Variants in ATP2B2 observed in about 807,000 individuals in gnomAD.
ATP2B2 encodes the protein ATPase plasma membrane Ca2+ transporting 2.
Under a neutral mutation model 120.0 loss-of-function variants are expected in ATP2B2, and 15 were observed. That is an observed-to-expected ratio of 0.12 (90% confidence interval 0.08 to 0.19). The LOEUF (loss-of-function observed/expected upper bound fraction) is 0.19, where lower values mean the gene tolerates loss of function less well. ATP2B2 is among the 10% of genes least tolerant of loss of function. The pLI, the probability that ATP2B2 is intolerant of heterozygous loss-of-function variation, is 1.00. For missense variants in ATP2B2, 1,045 were observed against 1,719.8 expected, an observed-to-expected ratio of 0.61 and a Z score of 6.94; for synonymous variants, 694 against 700.3, an observed-to-expected ratio of 0.99 and a Z score of 0.14.
At chr3:10,391,398 T>C (rs530502197) in intron 5 of ATP2B2, among the ~76,000 whole-genome samples, 3 of 152,322 alleles carry the variant, frequency 2.0e-5, no homozygotes, top group East Asian at 3.9e-4. Flanking sequence ...AAGGCATTGG[T>C]TCTCTGGCTT....
At chr3:10,594,292 C>T (rs1447953485) in intron 2 of ATP2B2, among the ~76,000 whole-genome samples, 1 of 152,054 alleles carries the variant, frequency 6.6e-6, no homozygotes, top group African/African-American at 2.4e-5. Context: ...GCACTATTCA[C>T]AATAGCAAAG....
chr3:10,631,891 AGGG>A (rs2069875321), intron 1 of ATP2B2, among the ~76,000 whole-genome samples: 1 of 152,240 alleles, frequency 6.6e-6, no homozygotes, highest in South Asian at 2.1e-4. Context: ...AGGTTTCAGG[AGGG>A]CTATCTTTAC....
intron 2 of ATP2B2, among the ~76,000 whole-genome samples, chr3:10,449,120 T>C (rs568301737): frequency 6.6e-6 from 1 of 152,328 alleles, no homozygotes; most frequent in East Asian, 1.9e-4. Flanking sequence ...CCTGCCATTC[T>C]CTCTGCAGGT....
rs188961616 is a variant in ATP2B2 at position 10,345,322 on chromosome 3, C to T, written c.2703+62G>A. The stretch of plus-strand genomic sequence containing the variant: ...ACAACCTGGAGTACCCTAAGGCCCC[C>T]GAGCCTCTGTGGGGGGTCTCCGCCC... On this transcript the variant is annotated intron_variant, in intron 18 of 22. Transcript: ENST00000360273. 7.8e-5 allele frequency: 124 copies of T among 1,588,318 alleles called. 2 individuals are homozygous for T. In the African/African-American group the frequency reaches 1.2e-3, roughly 16 times the overall value.
intron 2 of ATP2B2, among the ~76,000 whole-genome samples, chr3:10,609,179 G>A (rs1004564210): frequency 3.2e-4 from 49 of 152,102 alleles, no homozygotes; most frequent in East Asian, 5.8e-4. Context: ...CTGCACCCAC[G>A]TCCCTCACTT....
In ATP2B2 at chr3:10,653,724, T is replaced by C. The variant is rs187351143; in HGVS notation, c.-459-33763A>G. Among the ~76,000 whole-genome samples, 3 of 152,314 alleles carry C rather than the reference T, an allele frequency of 2.0e-5. No individual in the cohort carries two copies. The East Asian group carries it at 5.8e-4, about 29-fold the overall frequency. ...TATCTCCATAAGGCATGTGCCATTA[T>C]TGCCCTCCCTTTTCAGAGGGGGAAA... On this transcript the variant is annotated intron_variant, in intron 1 of 21. Coordinates refer to the ATP2B2 transcript ENST00000646379.
At chr3:10,645,322 G>T (rs1345829150) in intron 1 of ATP2B2, among the ~76,000 whole-genome samples, 2 of 152,210 alleles carry the variant, frequency 1.3e-5, no homozygotes, top group African/African-American at 4.8e-5. Flanking sequence ...TGGGGCTGTT[G>T]ATGATATGTG....
chr3:10,395,073 G>A (rs1296118861), intron 5 of ATP2B2, among the ~76,000 whole-genome samples: 2 of 152,216 alleles, frequency 1.3e-5, no homozygotes, highest in African/African-American at 4.8e-5. Context: ...GCTGCAAATT[G>A]GGATAGGACC....
intron 1 of ATP2B2, among the ~76,000 whole-genome samples, chr3:10,451,953 G>A (rs891654492): frequency 6.6e-6 from 1 of 152,220 alleles, no homozygotes; most frequent in East Asian, 1.9e-4. Flanking sequence ...TCCATCCAAG[G>A]TAAATTCTAT....
chr3:10,499,360 A>AC (rs1002290367), intron 1 of ATP2B2, among the ~76,000 whole-genome samples: 1 of 152,148 alleles, frequency 6.6e-6, no homozygotes, highest in African/African-American at 2.4e-5. Context: ...TGCTCAGCTA[A>AC]CCCTTGGTTT....
chr3:10,692,450 G>A (rs534866214), intron 1 of ATP2B2, among the ~76,000 whole-genome samples: 75 of 152,320 alleles, frequency 4.9e-4, no homozygotes, highest in Middle Eastern at 3.4e-3. Flanking sequence ...AGATGGATGA[G>A]GGGACACATC....
At chr3:10,546,398 C>T (rs1310420984) in intron 2 of ATP2B2, among the ~76,000 whole-genome samples, 1 of 152,220 alleles carries the variant, frequency 6.6e-6, no homozygotes, top group African/African-American at 2.4e-5. Context: ...CGGACACCTC[C>T]TTCCCTTGGG....
At chr3:10,511,956 G>A (rs1199623436) in intron 3 of ATP2B2, among the ~76,000 whole-genome samples, 2 of 152,148 alleles carry the variant, frequency 1.3e-5, no homozygotes, top group Non-Finnish European at 2.9e-5. Flanking sequence ...GGGAGCGGGT[G>A]GGGATGATGA....
chr3:10,692,407 C>A (rs902702901), intron 1 of ATP2B2, among the ~76,000 whole-genome samples: 1 of 152,158 alleles, frequency 6.6e-6, no homozygotes, highest in Admixed American at 6.5e-5. Flanking sequence ...TTTTCTGCAG[C>A]AGGGTAATAA....
At chr3:10,344,301 G>A (rs1574963517) in intron 18 of ATP2B2, among the ~76,000 whole-genome samples, 1 of 152,094 alleles carries the variant, frequency 6.6e-6, no homozygotes, top group Admixed American at 6.5e-5. Context: ...TGCTGGGGCC[G>A]CAGGAGTGTT....
At chr3:10,587,890 T>C (rs972727181) in intron 2 of ATP2B2, among the ~76,000 whole-genome samples, 1 of 152,226 alleles carries the variant, frequency 6.6e-6, no homozygotes, top group Non-Finnish European at 1.5e-5. Flanking sequence ...TCACATTTTA[T>C]GTCTTCCTAA....
rs751546847 is a variant in ATP2B2, at chr3:10,345,435, G to A, written c.2652C>T (p.Thr884=). ...CCACAATCACGGCCACCACGTTGAC[G>A]GTGAGCTGGAACTGCAAGAATTTGG... is the stretch of plus-strand genomic sequence containing the variant. The part of the protein sequence containing the change: ...SISKFLQFQL[T]VNVVAVIVAF... Residue 884 remains threonine (T), a synonymous_variant, in exon 18 of 23, where the codon ACC becomes ACT. Coordinates refer to ENST00000360273, the MANE Select transcript of ATP2B2 (RefSeq NM_001001331.4). The A allele has an allele frequency of 3.1e-6, 5 of 1,614,142 alleles. No individual in the cohort carries two copies. Among genetic ancestry groups the A allele is most frequent in the Non-Finnish European group, 4.2e-6 (5 of 1,180,004 alleles).
At chr3:10,495,510 C>T (rs1160754705) in intron 1 of ATP2B2, among the ~76,000 whole-genome samples, 2 of 152,208 alleles carry the variant, frequency 1.3e-5, no homozygotes. Context: ...AAATTGCTCG[C>T]TAAACGAGAG....
chr3:10,368,480 T>C (rs2061130768), intron 12 of ATP2B2, among the ~76,000 whole-genome samples: 1 of 151,980 alleles, frequency 6.6e-6, no homozygotes, highest in Admixed American at 6.6e-5. Context: ...CATCCATCCA[T>C]CTATTCATCC....
Sources: allele counts gnomAD v4.1 joint callset (sites outside exome capture counted in the v4.1 genomes callset), GRCh38; gene constraint gnomAD v4.1.1; transcripts MANE v1.5; gene names NCBI Gene and HGNC (gene_info 2026-07-23, HGNC 2026-07-21).